Variants in NRXN3 observed in about 807,000 individuals in gnomAD.
The protein encoded by NRXN3 is neurexin 3.
A neutral mutation model predicts 137.6 loss-of-function variants in NRXN3; 32 were observed. The ratio of observed to expected loss-of-function variants is 0.23; its 90% CI spans 0.18 to 0.31. The LOEUF is 0.31. NRXN3 is among the 10% of genes least tolerant of loss of function. The probability of loss-of-function intolerance (pLI) is 1.00; values close to 1 mark genes in which losing one functional copy is unlikely to be tolerated. For missense variants in NRXN3, 1,574 were observed against 2,062.5 expected, an observed-to-expected ratio of 0.76 and a Z score of 4.59; for synonymous variants, 798 against 784.5, an observed-to-expected ratio of 1.02 and a Z score of -0.29.
intron 15 of NRXN3, among the ~76,000 whole-genome samples, chr14:79,216,372 T>C (rs2153229218): frequency 6.6e-6 from 1 of 152,278 alleles, no homozygotes; most frequent in Non-Finnish European, 1.5e-5. Flanking sequence ...CACAGTTACA[T>C]TTCCACCACA....
chr14:79,378,261 T>G (rs190828105), intron 15 of NRXN3, among the ~76,000 whole-genome samples: 20 of 152,318 alleles, frequency 1.3e-4, no homozygotes, highest in South Asian at 8.3e-4. Flanking sequence ...TTGATGACTC[T>G]GGCACACAGA....
chr14:78,874,986 G>A (rs917924537), intron 10 of NRXN3, among the ~76,000 whole-genome samples: 1 of 152,220 alleles, frequency 6.6e-6, no homozygotes, highest in Admixed American at 6.5e-5. Context: ...GAGCACAGGG[G>A]TGTGGAGAAT....
intron 8 of NRXN3, among the ~76,000 whole-genome samples, chr14:78,740,749 A>T (rs966014090): frequency 6.6e-6 from 1 of 151,922 alleles, no homozygotes; most frequent in South Asian, 2.1e-4. Flanking sequence ...AATCTTATAA[A>T]ATCTTATGCC....
At chr14:79,354,780 A>T (rs1258967724) in intron 15 of NRXN3, among the ~76,000 whole-genome samples, 1 of 152,176 alleles carries the variant, frequency 6.6e-6, no homozygotes, top group Admixed American at 6.5e-5. Flanking sequence ...AAATGCCCTC[A>T]CTTATTGGTT....
chr14:79,800,045 T>TGG (rs2099172711), intron 19 of NRXN3, among the ~76,000 whole-genome samples: 1 of 152,114 alleles, frequency 6.6e-6, no homozygotes, highest in South Asian at 2.1e-4. Flanking sequence ...AATTATTTGG[T>TGG]GGGTGGTCAT....
chr14:78,189,213 G>A (rs988859028), intron 1 of NRXN3, among the ~76,000 whole-genome samples: 1 of 152,058 alleles, frequency 6.6e-6, no homozygotes, highest in African/African-American at 2.4e-5. Flanking sequence ...GGTCCAAGCC[G>A]CCCCCACCAC....
At chr14:78,387,076 C>A (rs1255294296) in intron 4 of NRXN3, among the ~76,000 whole-genome samples, 1 of 152,030 alleles carries the variant, frequency 6.6e-6, no homozygotes, top group East Asian at 1.9e-4. Context: ...CCACCGCACC[C>A]GGCCTATACT....
At chr14:78,737,277 A>G (rs1406977056) in intron 8 of NRXN3, among the ~76,000 whole-genome samples, 1 of 152,060 alleles carries the variant, frequency 6.6e-6, no homozygotes, top group Non-Finnish European at 1.5e-5. Context: ...GTGATTTGGG[A>G]TTTGGAAGCT....
intron 3 of NRXN3, chr14:78,283,071 G>T: frequency 6.6e-6 from 1 of 152,316 alleles, no homozygotes; most frequent in Non-Finnish European, 1.5e-5. Flanking sequence ...GGTTCACCTT[G>T]CGAAAGCCCT....
At chr14:79,530,684 A>T (rs1169368207) in intron 16 of NRXN3, among the ~76,000 whole-genome samples, 1 of 152,038 alleles carries the variant, frequency 6.6e-6, no homozygotes, top group Admixed American at 6.6e-5. Flanking sequence ...AAAAGAAATA[A>T]GACAAATAAA....
At chr14:78,370,738 G>A (rs1448934297) in intron 4 of NRXN3, among the ~76,000 whole-genome samples, 2 of 152,162 alleles carry the variant, frequency 1.3e-5, no homozygotes, top group African/African-American at 2.4e-5. Flanking sequence ...AGAAGAGGAA[G>A]GTAATGGGAA....
intron 15 of NRXN3, among the ~76,000 whole-genome samples, chr14:79,357,616 T>C (rs926663238): frequency 2.0e-5 from 3 of 152,186 alleles, no homozygotes; most frequent in African/African-American, 7.2e-5. Context: ...CAAAGCACTC[T>C]TCCCCAAAGC....
At chr14:78,286,605 A>G (rs2075212070) in intron 3 of NRXN3, among the ~76,000 whole-genome samples, 1 of 152,194 alleles carries the variant, frequency 6.6e-6, no homozygotes, top group Non-Finnish European at 1.5e-5. Context: ...GGGGTAGCTT[A>G]GCTGACTGTG....
At chr14:78,210,388 C>A (rs2062625752) in intron 1 of NRXN3, among the ~76,000 whole-genome samples, 1 of 152,174 alleles carries the variant, frequency 6.6e-6, no homozygotes, top group Admixed American at 6.5e-5. Context: ...GGCTCCACCT[C>A]TTATTATCAC....
intron 15 of NRXN3, among the ~76,000 whole-genome samples, chr14:79,047,702 A>G (rs1446417790): frequency 2.0e-5 from 3 of 152,188 alleles, no homozygotes; most frequent in African/African-American, 7.2e-5. Flanking sequence ...TTTAGTAATC[A>G]AGAAATTGTA....
intron 10 of NRXN3, among the ~76,000 whole-genome samples, chr14:78,943,176 G>A (rs2099356419): frequency 6.6e-6 from 1 of 152,142 alleles, no homozygotes; most frequent in Admixed American, 6.5e-5. Flanking sequence ...AGGGGAAGAG[G>A]CAGGGAGGGG....
At chr14:78,229,972 G>A (rs1280731071) in intron 1 of NRXN3, among the ~76,000 whole-genome samples, 1 of 152,138 alleles carries the variant, frequency 6.6e-6, no homozygotes, top group Non-Finnish European at 1.5e-5. Flanking sequence ...TGACAAGGAT[G>A]CTAAGTTCAT....
intron 8 of NRXN3, among the ~76,000 whole-genome samples, chr14:78,748,541 A>G (rs2098624800): frequency 2.0e-5 from 3 of 152,192 alleles, no homozygotes; most frequent in Non-Finnish European, 4.4e-5. Context: ...ATTTAAAAAA[A>G]TTATCCTAAT....
chr14:79,221,613 T>C (rs1320024055), intron 15 of NRXN3, among the ~76,000 whole-genome samples: 2 of 152,224 alleles, frequency 1.3e-5, no homozygotes, highest in African/African-American at 4.8e-5. Context: ...GTTTTTTTCT[T>C]GTAAAATTTT....
Sources: gnomAD v4.1 joint callset for allele counts (sites outside exome capture counted in the v4.1 genomes callset) on GRCh38, gnomAD v4.1.1 for gene constraint, MANE v1.5 for transcripts, NCBI Gene and HGNC (gene_info 2026-07-23, HGNC 2026-07-21) for gene names.